Variants in OXSR1 observed in about 807,000 individuals in gnomAD.
OXSR1 encodes serine/threonine-protein kinase OSR1.
OXSR1 carries 24 observed loss-of-function variants against 79.8 expected under a neutral mutation model. The ratio of observed to expected loss-of-function variants is 0.30; its 90% CI spans 0.22 to 0.42. The LOEUF (loss-of-function observed/expected upper bound fraction) is 0.42. Among genes scored for constraint, OXSR1 ranks in the 10% least tolerant of loss-of-function variants. OXSR1 has a pLI of 1.00. For synonymous variants in OXSR1, 226 were observed against 209.2 expected, an observed-to-expected ratio of 1.08 and a Z score of -0.69; for missense variants, 430 against 618.4, an observed-to-expected ratio of 0.70 and a Z score of 3.23.
chr3:38,192,919 C>T (rs1259557033), intron 3 of OXSR1, among the ~76,000 whole-genome samples: 1 of 152,174 alleles, frequency 6.6e-6, no homozygotes, highest in East Asian at 1.9e-4. Flanking sequence ...AAAAGATAAT[C>T]CACATTTGTT....
At position 38,252,999 on chromosome 3, in the gene OXSR1, C is replaced by T. The variant is rs34465576; in HGVS notation, c.*108C>T. 17 of 793,608 alleles carry T rather than the reference C, an allele frequency of 2.1e-5. No homozygotes were observed. Among genetic ancestry groups the T allele is most frequent in the African/African-American group, 8.6e-5 (5 of 57,928 alleles). 49.2% of individuals were successfully genotyped at this position (793,608 alleles called of 1,614,324 possible). A position where few individuals can be genotyped will look rare whatever the true frequency, so the allele number is the denominator to read the frequency against. On this transcript the variant is annotated 3_prime_UTR_variant, in exon 18 of 18. Transcript: ENST00000311806. Reference sequence around the variant, plus strand: ...CCAAAGAACCCAGCAACAAACCTCCCGGCTAGGAGCTTTAGAAGTCTTTAT... The same window carrying T: ...CCAAAGAACCCAGCAACAAACCTCCTGGCTAGGAGCTTTAGAAGTCTTTAT...
At chr3:38,198,913 C>A in intron 4 of OXSR1, 50 bp downstream of exon 4, 1 of 1,505,564 alleles carries the variant, frequency 6.6e-7, no homozygotes, top group Non-Finnish European at 9.2e-7. Flanking sequence ...TAAGGCCATT[C>A]CCACTCTTTT....
chr3:38,167,218 G>C (rs1417920373), intron 1 of OXSR1, among the ~76,000 whole-genome samples: 1 of 152,198 alleles, frequency 6.6e-6, no homozygotes, highest in Non-Finnish European at 1.5e-5. Context: ...GATTTGAAGG[G>C]GGTCCAGGAA....
intron 4 of OXSR1, among the ~76,000 whole-genome samples, chr3:38,210,197 G>A (rs897341359): frequency 6.6e-6 from 1 of 151,506 alleles, no homozygotes; most frequent in African/African-American, 2.4e-5. Context: ...CAATATTTTT[G>A]TCTCCCTTAC....
At position 38,252,871 on chromosome 3, in the gene OXSR1, G is replaced by T. The variant is rs1703287976; in HGVS notation, c.1564G>T (p.Ala522Ser). ...TGATGATGGTAAACTGATAGGATTT[G>T]CCCAGCTCAGCATCAGCTAAACCAC... ...IPDDGKLIGF[A>S]QLSIS The change falls in exon 18 of 18, where the codon GCC becomes TCC. Residue 522 changes from alanine to serine, a missense_variant. Coordinates refer to ENST00000311806, the MANE Select transcript of OXSR1 (RefSeq NM_005109.3). The T allele has an allele frequency of 6.8e-6, 11 of 1,613,680 alleles. No individual in the cohort carries two copies. Among genetic ancestry groups the T allele is most frequent in the Non-Finnish European group, 9.3e-6 (11 of 1,179,686 alleles).
At chr3:38,237,904 C>A (rs926842447) in intron 11 of OXSR1, among the ~76,000 whole-genome samples, 1 of 152,116 alleles carries the variant, frequency 6.6e-6, no homozygotes, top group Non-Finnish European at 1.5e-5. Context: ...TTGATACTCT[C>A]ATGTATTGTT....
At position 38,165,916 on chromosome 3, in the gene OXSR1, A is replaced by G; in HGVS notation, c.40A>G (p.Arg14Gly). 1 of 1,611,686 alleles carries G rather than the reference A, an allele frequency of 6.2e-7. No homozygotes were observed. Among genetic ancestry groups the G allele is most frequent in the Non-Finnish European group, 8.5e-7 (1 of 1,179,602 alleles). The change falls in exon 1 of 18, where the codon AGG becomes GGG. Residue 14 changes from arginine to glycine, a missense_variant. Physicochemically the swap from Arg to Gly is moderately radical, Grantham distance 125. Around this residue, in one of 3 missense-constraint regions of OXSR1, gnomAD observed 145 missense variants for 228.3 expected, o/e 0.64. Coordinates refer to ENST00000311806, the MANE Select transcript of OXSR1 (RefSeq NM_005109.3). Reference sequence around the variant, plus strand: ...GAGCGCCCTGCCCTGGTCCATCAACAGGGACGATTACGAGCTGCAGGAGGT... The same window carrying G: ...GAGCGCCCTGCCCTGGTCCATCAACGGGGACGATTACGAGCTGCAGGAGGT... ...DSSALPWSINRDDYELQEVIG... is the reference protein window; with the variant it reads ...DSSALPWSINGDDYELQEVIG...
intron 1 of OXSR1, among the ~76,000 whole-genome samples, chr3:38,168,151 A>G (rs1202062495): frequency 1.3e-5 from 2 of 152,146 alleles, no homozygotes; most frequent in Non-Finnish European, 2.9e-5. Context: ...AAAGGTTAGG[A>G]ACTCCAATGT....
intron 10 of OXSR1, among the ~76,000 whole-genome samples, chr3:38,233,209 T>C (rs1432503558): frequency 6.6e-6 from 1 of 152,230 alleles, no homozygotes; most frequent in Non-Finnish European, 1.5e-5. Flanking sequence ...ATTTAAGTAA[T>C]TGTTTACACA....
At chr3:38,232,541 G>A (rs1702832978) in intron 10 of OXSR1, among the ~76,000 whole-genome samples, 1 of 152,038 alleles carries the variant, frequency 6.6e-6, no homozygotes. Flanking sequence ...GATTGCTTGA[G>A]CTCAGGAGTT....
chr3:38,180,371 A>G (rs1297024336), intron 1 of OXSR1, among the ~76,000 whole-genome samples: 1 of 152,066 alleles, frequency 6.6e-6, no homozygotes, highest in East Asian at 1.9e-4. Flanking sequence ...TTCTGCTTCA[A>G]TGGATTTTTA....
At chr3:38,198,688 G>C (rs200654859) in intron 3 of OXSR1, 34 bp from the exon 4 acceptor site, 78 of 1,559,194 alleles carry the variant, frequency 5.0e-5, no homozygotes, top group Admixed American at 2.4e-4. Context: ...GAATGATTTA[G>C]AGATTTTTAG....
chr3:38,228,576 C>T (rs866817968), intron 8 of OXSR1, among the ~76,000 whole-genome samples: 8 of 151,342 alleles, frequency 5.3e-5, no homozygotes, highest in Middle Eastern at 3.4e-3. Context: ...TTTGTTTGTT[C>T]GTTTGTTTGT....
At chr3:38,169,295 GT>G (rs942151552) in intron 1 of OXSR1, among the ~76,000 whole-genome samples, 42 of 145,242 alleles carry the variant, frequency 2.9e-4, no homozygotes, top group East Asian at 1.0e-3. Flanking sequence ...CCATTGGGTT[GT>G]TTTTTTTTTT....
intron 4 of OXSR1, among the ~76,000 whole-genome samples, chr3:38,206,992 G>A (rs1023837923): frequency 6.6e-6 from 1 of 152,162 alleles, no homozygotes; most frequent in African/African-American, 2.4e-5. Flanking sequence ...TATTTGCAAT[G>A]CACTTAGAAT....
intron 1 of OXSR1, 149 bp downstream of exon 1, chr3:38,166,095 C>G (rs1465137140): frequency 1.5e-5 from 10 of 652,002 alleles, no homozygotes; most frequent in Non-Finnish European, 2.1e-5. Context: ...ACGCTTGTGT[C>G]GAGGAGCGCG....
chr3:38,246,080 T>A lies in OXSR1; in HGVS notation c.1116T>A (p.Phe372Leu). The change falls in exon 13 of 18, where the codon TTT (phenylalanine) becomes TTA (leucine). Residue 372 changes from phenylalanine (F) to leucine (L), a missense_variant. Coordinates refer to ENST00000311806, the MANE Select transcript of OXSR1 (RefSeq NM_005109.3). ...TGTGTGTGTTTTTGTTACAGCTCTT[T>A]CCAACAACTGATCCTGTGGGTACTT... ...VKESISNSEL[F>L]PTTDPVGTLL... 6.2e-7 allele frequency: 1 copy of A among 1,613,702 alleles called. No homozygotes were observed.
chr3:38,250,611 G>T (rs774821654), intron 15 of OXSR1, among the ~76,000 whole-genome samples: 7 of 152,120 alleles, frequency 4.6e-5, no homozygotes, highest in Non-Finnish European at 1.0e-4. Context: ...GTTCTAATTT[G>T]GGGAGTAGCC....
intron 2 of OXSR1, among the ~76,000 whole-genome samples, chr3:38,186,736 T>C (rs1485320658): frequency 6.6e-6 from 1 of 152,222 alleles, no homozygotes; most frequent in African/African-American, 2.4e-5. Context: ...CTGTTTCTAC[T>C]TCTTGGCTTT....
Sources: gnomAD v4.1 joint callset for allele counts (sites outside exome capture counted in the v4.1 genomes callset) on GRCh38, gnomAD v4.1.1 for gene constraint, gnomAD v4.1.1 regional missense constraint, MANE v1.5 for transcripts, NCBI Gene and HGNC (gene_info 2026-07-23, HGNC 2026-07-21) for gene names.